The following PIN1 variants were observed in gnomAD, a reference collection of about 807,000 sequenced individuals.
The protein encoded by PIN1 is peptidylprolyl cis/trans isomerase, NIMA-interacting 1.
Under a neutral mutation model 19.9 loss-of-function variants are expected in PIN1, and 8 were observed. The ratio of observed to expected loss-of-function variants is 0.40; its 90% CI spans 0.24 to 0.72. The LOEUF is 0.72. PIN1 is among the 30% of genes least tolerant of loss of function. The pLI is 0.37. For missense variants in PIN1, 185 were observed against 226.5 expected, an observed-to-expected ratio of 0.82 and a Z score of 1.18; for synonymous variants, 86 against 90.8, an observed-to-expected ratio of 0.95 and a Z score of 0.30.
chr19:9,844,665 T>C (rs3786694), intron 2 of PIN1, among the ~76,000 whole-genome samples: 61,894 of 151,984 alleles, frequency 0.41, 15,473 homozygotes, highest in Admixed American at 0.55. Flanking sequence ...CACCCGACAG[T>C]CCCCATCAAA....
intron 2 of PIN1, among the ~76,000 whole-genome samples, chr19:9,840,683 C>T (rs1037178207): frequency 6.6e-6 from 1 of 152,190 alleles, no homozygotes; most frequent in Non-Finnish European, 1.5e-5. Flanking sequence ...GCAGCCTCAA[C>T]CTCCTTGGGA....
Position 9,838,705 on chromosome 19 carries a change from T to C in PIN1, c.271+57T>C. ...GGGTCTTCTCCCAGGTGAGCCTTTG[T>C]AGAAGTCACATCAGACCCTTCACCC... On this transcript the variant is annotated intron_variant, in intron 2 of 3. Transcript: ENST00000247970. The surrounding 1 kb of genome is among the most constrained non-coding windows in gnomAD (Gnocchi z 5.8). 6 of 1,394,924 alleles carry C rather than the reference T, an allele frequency of 4.3e-6. No homozygotes were observed. Among genetic ancestry groups the C allele is most frequent in the Non-Finnish European group, 5.9e-6 (6 of 1,022,950 alleles). The allele number at this position is 1,394,924 out of a possible 1,614,324, so 86.4% of individuals were successfully genotyped here.
intron 1 of PIN1, chr19:9,836,684 C>T: frequency 2.3e-6 from 1 of 441,718 alleles, no homozygotes; most frequent in Non-Finnish European, 4.2e-6. Flanking sequence ...CCCCTCACTC[C>T]CTGGGTAACA....
At chr19:9,847,613 C>T (rs2046231863) in intron 2 of PIN1, among the ~76,000 whole-genome samples, 1 of 152,200 alleles carries the variant, frequency 6.6e-6, no homozygotes, top group African/African-American at 2.4e-5. Flanking sequence ...GGGGCCAGCC[C>T]CCTGCCTGGG....
intron 1 of PIN1, 83 bp downstream of exon 1, chr19:9,835,485 G>A: frequency 1.0e-6 from 1 of 959,410 alleles, no homozygotes; most frequent in Non-Finnish European, 1.4e-6. Context: ...CGCGGCGGCA[G>A]CGCTGCCTCC....
chr19:9,849,411 A>G lies in PIN1; in HGVS notation c.*212A>G, dbSNP rs1320180685. ...ATCCCCAGTTGGGGCTGCGACCGCC[A>G]GATTCTCCCTTAAGGAATTGACTTC... On this transcript the variant is annotated 3_prime_UTR_variant, in exon 4 of 4. Transcript: ENST00000247970. 2.7e-6 allele frequency: 2 copies of G among 740,154 alleles called. No individual in the cohort carries two copies. Among genetic ancestry groups the G allele is most frequent in the Admixed American group, 1.8e-5 (1 of 56,042 alleles). The allele number at this position is 740,154 out of a possible 1,614,324, so 45.8% of individuals were successfully genotyped here.
Position 9,849,400 on chromosome 19 carries a change from C to T in PIN1, c.*201C>T. On this transcript the variant is annotated 3_prime_UTR_variant, in exon 4 of 4. Coordinates refer to ENST00000247970, the MANE Select transcript of PIN1 (RefSeq NM_006221.4). ...ACTCCCTGTCCATCCCCAGTTGGGG[C>T]TGCGACCGCCAGATTCTCCCTTAAG... 1 of 724,342 alleles carries T rather than the reference C, an allele frequency of 1.4e-6. No individual in the cohort carries two copies. The highest frequency in any genetic ancestry group is 1.4e-5 in the South Asian group (1 of 70,348). 44.9% of individuals were successfully genotyped at this position (724,342 alleles called of 1,614,324 possible).
chr19:9,847,547 G>A (rs934115237), intron 2 of PIN1, among the ~76,000 whole-genome samples: 10 of 152,224 alleles, frequency 6.6e-5, no homozygotes, highest in Non-Finnish European at 1.2e-4. Flanking sequence ...ACAGGCTGCC[G>A]TGGCAGTGCT....
rs139864653 is a variant in PIN1, at chr19:9,838,175, A to C, written c.59-261A>C. 2,746 of 545,508 alleles carry C rather than the reference A, an allele frequency of 5.0e-3. 15 individuals are homozygous for C. Among genetic ancestry groups the C allele is most frequent in the Non-Finnish European group, 7.4e-3 (2,244 of 301,326 alleles). The allele number at this position is 545,508 out of a possible 1,614,324, so 33.8% of individuals were successfully genotyped here. Reference sequence around the variant, plus strand: ...ATTTTCCTCCTTGAAGTTATCAGGGATTGATACTATCCTGTGTTTCATTTG... The same window carrying C: ...ATTTTCCTCCTTGAAGTTATCAGGGCTTGATACTATCCTGTGTTTCATTTG... On this transcript the variant is annotated intron_variant, in intron 1 of 3. Transcript: ENST00000247970. This position sits in a 1 kb window ranked among gnomAD's most constrained non-coding sequence, Gnocchi z 5.8.
At chr19:9,840,897 G>A (rs2046159382) in intron 2 of PIN1, among the ~76,000 whole-genome samples, 1 of 152,194 alleles carries the variant, frequency 6.6e-6, no homozygotes, top group African/African-American at 2.4e-5. Context: ...GCCCCCAGCT[G>A]TCAGTCTTTT....
In PIN1 at chr19:9,838,375, G is replaced by C. The variant is rs899701221; in HGVS notation, c.59-61G>C. 1 of 1,385,374 alleles carries C rather than the reference G, an allele frequency of 7.2e-7. No individual in the cohort carries two copies. The highest frequency in any genetic ancestry group is 1.4e-5 in the African/African-American group (1 of 70,216). 85.8% of individuals were successfully genotyped at this position (1,385,374 alleles called of 1,614,324 possible). ...GGCCCTCACCCTGGCTTCTGGCTGTGGGCCCAGGGGTGTCCTGGGAGCACA... is the reference window on the plus strand; with the variant it reads ...GGCCCTCACCCTGGCTTCTGGCTGTCGGCCCAGGGGTGTCCTGGGAGCACA... On this transcript the variant is annotated intron_variant, in intron 1 of 3. Coordinates refer to ENST00000247970, the MANE Select transcript of PIN1 (RefSeq NM_006221.4). The surrounding 1 kb of genome is among the most constrained non-coding windows in gnomAD (Gnocchi z 5.8).
Position 9,838,496 on chromosome 19 carries a change from A to G in PIN1, c.119A>G (p.Asn40Ser), listed in dbSNP as rs767513451. Residue 40 changes from asparagine to serine, a missense_variant, in exon 2 of 4, where the codon AAC (asparagine) becomes AGC (serine). Coordinates refer to ENST00000247970, the MANE Select transcript of PIN1 (RefSeq NM_006221.4). The surrounding 1 kb of genome is among the most constrained non-coding windows in gnomAD (Gnocchi z 5.8). ...NASQWERPSG[N>S]SSSGGKNGQG... Reference sequence around the variant, plus strand: ...AGCCAGTGGGAGCGGCCCAGCGGCAACAGCAGCAGTGGTGGCAAAAACGGG... The same window carrying G: ...AGCCAGTGGGAGCGGCCCAGCGGCAGCAGCAGCAGTGGTGGCAAAAACGGG... 24 of 1,608,646 alleles carry G rather than the reference A, an allele frequency of 1.5e-5. No homozygotes were observed. The highest frequency in any genetic ancestry group is 3.3e-5 in the South Asian group (3 of 89,800).
At chr19:9,844,614 G>A (rs1422443784) in intron 2 of PIN1, among the ~76,000 whole-genome samples, 1 of 152,174 alleles carries the variant, frequency 6.6e-6, no homozygotes, top group African/African-American at 2.4e-5. Flanking sequence ...TGTCTGTGTG[G>A]TTCTAAGCTG....
intron 2 of PIN1, among the ~76,000 whole-genome samples, chr19:9,844,391 G>C (rs889577325): frequency 1.3e-5 from 2 of 152,234 alleles, no homozygotes; most frequent in Admixed American, 1.3e-4. Flanking sequence ...TTCAGGAGCA[G>C]CAGAGGTAGG....
chr19:9,838,169 T>A lies in PIN1; in HGVS notation c.59-267T>A, dbSNP rs2046128601. 1.9e-6 allele frequency: 1 copy of A among 530,864 alleles called. No homozygotes were observed. Among genetic ancestry groups the A allele is most frequent in the Admixed American group, 3.1e-5 (1 of 31,874 alleles). 32.9% of individuals were successfully genotyped at this position (530,864 alleles called of 1,614,324 possible). A position where few individuals can be genotyped will look rare whatever the true frequency, so the allele number is the denominator to read the frequency against. On this transcript the variant is annotated intron_variant, in intron 1 of 3. Coordinates refer to ENST00000247970, the MANE Select transcript of PIN1 (RefSeq NM_006221.4). This position sits in a 1 kb window ranked among gnomAD's most constrained non-coding sequence, Gnocchi z 5.8. ...TGGGTTATTTTCCTCCTTGAAGTTA[T>A]CAGGGATTGATACTATCCTGTGTTT...
rs1468814880 is a variant in PIN1, at chr19:9,836,916, A to G, written c.58+1514A>G. ...TGCCATCTATACAATAGAGATAATA[A>G]AGGCTATCCCACTCTTAATGTGTGC... On this transcript the variant is annotated intron_variant, in intron 1 of 3. Coordinates refer to ENST00000247970, the MANE Select transcript of PIN1 (RefSeq NM_006221.4). 1.8e-6 allele frequency: 2 copies of G among 1,129,134 alleles called. 1 individual carries two copies. The highest frequency in any genetic ancestry group is 2.6e-5 in the South Asian group (2 of 77,854). 69.9% of individuals were successfully genotyped at this position (1,129,134 alleles called of 1,614,324 possible).
Position 9,838,497 on chromosome 19 carries a change from C to T in PIN1, c.120C>T (p.Asn40=), listed in dbSNP as rs752554153. Residue 40 remains asparagine (N), a synonymous_variant, in exon 2 of 4, where the codon AAC becomes AAT. Coordinates refer to ENST00000247970, the MANE Select transcript of PIN1 (RefSeq NM_006221.4). This position sits in a 1 kb window ranked among gnomAD's most constrained non-coding sequence, Gnocchi z 5.8. ...NASQWERPSG[N]SSSGGKNGQG... is the part of the protein sequence containing the mutation. The stretch of plus-strand genomic sequence containing the variant: ...GCCAGTGGGAGCGGCCCAGCGGCAA[C>T]AGCAGCAGTGGTGGCAAAAACGGGC... 3.7e-6 allele frequency: 6 copies of T among 1,608,530 alleles called. No individual in the cohort carries two copies. Among genetic ancestry groups the T allele is most frequent in the Non-Finnish European group, 5.1e-6 (6 of 1,178,320 alleles).
chr19:9,845,150 G>A (rs2046207151), intron 2 of PIN1, among the ~76,000 whole-genome samples: 1 of 152,224 alleles, frequency 6.6e-6, no homozygotes, highest in South Asian at 2.1e-4. Context: ...GGATGTCATT[G>A]TCGCGGGGTC....
chr19:9,835,739 G>T, intron 1 of PIN1: 1 of 346,398 alleles, frequency 2.9e-6, no homozygotes, highest in Non-Finnish European at 5.2e-6. Context: ...GGGCCCGGGG[G>T]CACCCCTGGG....
Sources: gnomAD v4.1 joint callset for allele counts (sites outside exome capture counted in the v4.1 genomes callset) on GRCh38, gnomAD v4.1.1 for gene constraint, Gnocchi (gnomAD v3.1) non-coding constraint, MANE v1.5 for transcripts, NCBI Gene and HGNC (gene_info 2026-07-23, HGNC 2026-07-21) for gene names.